EMC3: variants seen among roughly 807,000 people sequenced by gnomAD.
The protein encoded by EMC3 is ER membrane protein complex subunit 3, also known as 30 kDa protein.
In EMC3, 13 loss-of-function variants were observed where a neutral mutation model predicts 36.6. That is an observed-to-expected ratio of 0.35 (90% CI 0.23 to 0.56). EMC3 has a LOEUF of 0.56. Ranked by LOEUF, EMC3 falls within the 20% of genes least tolerant of loss-of-function variation. The pLI, the probability that EMC3 is intolerant of heterozygous loss-of-function variation, is 0.84. For synonymous variants in EMC3, 120 were observed against 111.9 expected (o/e 1.07, Z -0.46); for missense variants, 220 against 324.5 (o/e 0.68, Z 2.47).
At chr3:9,967,660 A>T (rs546899987) in intron 7 of EMC3, among the ~76,000 whole-genome samples, 1 of 152,296 alleles carries the variant, frequency 6.6e-6, no homozygotes, top group East Asian at 1.9e-4. Context: ...AAGTTATTCA[A>T]TTTTGCCAAC....
intron 1 of EMC3, among the ~76,000 whole-genome samples, chr3:9,980,158 C>G (rs1012625913): frequency 1.3e-5 from 2 of 151,806 alleles, no homozygotes; most frequent in Admixed American, 6.6e-5. Flanking sequence ...GGGTTACAGG[C>G]GCGCACCACC....
chr3:10,000,645 CATT>C (rs1373671296), intron 1 of EMC3: 3 of 475,320 alleles, frequency 6.3e-6, no homozygotes, highest in Non-Finnish European at 1.3e-5. Flanking sequence ...AATTATTACT[CATT>C]AGTAGCTTTT....
At chr3:9,976,271 AATTTTTGT>A (rs2085849404) in intron 3 of EMC3, among the ~76,000 whole-genome samples, 1 of 152,002 alleles carries the variant, frequency 6.6e-6, no homozygotes, top group African/African-American at 2.4e-5. Context: ...ACGCTAGGCT[AATTTTTGT>A]ATTTTTAGTA....
intron 3 of EMC3, among the ~76,000 whole-genome samples, chr3:9,975,956 A>C (rs2085845098): frequency 6.6e-6 from 1 of 152,102 alleles, no homozygotes; most frequent in Admixed American, 6.5e-5. Flanking sequence ...AATTAACTCC[A>C]TACAACCTTA....
At chr3:9,977,549 T>A in intron 1 of EMC3, 103 bp from the exon 2 acceptor site, 1 of 972,592 alleles carries the variant, frequency 1.0e-6, no homozygotes, top group Non-Finnish European at 1.5e-6. Flanking sequence ...GAGGGCCTAT[T>A]TGGCAACAGC....
At chr3:9,992,493 C>G (rs1380676200) in intron 1 of EMC3, among the ~76,000 whole-genome samples, 4 of 152,068 alleles carry the variant, frequency 2.6e-5, no homozygotes, top group African/African-American at 9.7e-5. Context: ...TTTACTGAAC[C>G]CTTTCCAGAT....
In EMC3 at chr3:9,973,681, A is replaced by G. The variant is rs1319766040; in HGVS notation, c.441T>C (p.Arg147=). The G allele has an allele frequency of 6.2e-7, 1 of 1,614,162 alleles. No homozygotes were observed. The highest frequency in any genetic ancestry group is 1.7e-5 in the Admixed American group (1 of 60,006). ...TTCCTTGCTGTAACATAGGCTTAAA[A>G]CGGAGGGTCAGTGGAAATGGGACCT... ...TTKVPFPLTL[R]FKPMLQQGIE... is the part of the protein sequence containing the mutation. Residue 147 remains arginine (R), a synonymous_variant, in exon 5 of 8, where the codon CGT becomes CGC. Transcript: ENST00000245046.
At chr3:10,000,576 G>A in intron 1 of EMC3, 1 of 346,614 alleles carries the variant, frequency 2.9e-6, no homozygotes, top group Admixed American at 3.2e-5. Context: ...ATCTATTAAA[G>A]TATGGTACAC....
intron 1 of EMC3, chr3:10,008,498 G>C (rs1407661418): frequency 7.3e-7 from 1 of 1,366,176 alleles, no homozygotes. Flanking sequence ...CTGGGGGGCT[G>C]ACAGCCATGG....
intron 1 of EMC3, among the ~76,000 whole-genome samples, chr3:10,009,445 C>G (rs1030634548): frequency 6.6e-6 from 1 of 152,226 alleles, no homozygotes; most frequent in African/African-American, 2.4e-5. Context: ...CAAACCAACA[C>G]CTAGTCTAGA....
intron 1 of EMC3, among the ~76,000 whole-genome samples, chr3:10,006,060 G>A (rs891633069): frequency 4.6e-5 from 7 of 152,166 alleles, no homozygotes; most frequent in South Asian, 2.1e-4. Flanking sequence ...AAGCCAGATC[G>A]GGGAAGCCAG....
rs936005402 is a variant in EMC3 at position 9,986,820 on chromosome 3, T to A, written c.-159A>T. The A allele has an allele frequency of 7.1e-7, 1 of 1,412,914 alleles. No individual in the cohort carries two copies. The highest frequency in any genetic ancestry group is 9.2e-7 in the Non-Finnish European group (1 of 1,081,232). 87.5% of individuals were successfully genotyped at this position (1,412,914 alleles called of 1,614,324 possible). ...GTGAGCCGAGCTTACTGCCTTCAGC[T>A]GGGCTGCCTGGTCTTCCACTTCCGG... is the stretch of plus-strand genomic sequence containing the variant. On this transcript the variant is annotated 5_prime_UTR_variant, in exon 1 of 8. Coordinates refer to ENST00000245046, the MANE Select transcript of EMC3 (RefSeq NM_001394674.1).
At position 9,986,772 on chromosome 3, in the gene EMC3, T is replaced by A; in HGVS notation, c.-111A>T. ...GCCTTCTCAAGCCCCTTTGCCCGTGTACCCCAGAACTCTCCTGCGACTGTG... is the reference window on the plus strand; with the variant it reads ...GCCTTCTCAAGCCCCTTTGCCCGTGAACCCCAGAACTCTCCTGCGACTGTG... On this transcript the variant is annotated 5_prime_UTR_variant, in exon 1 of 8. Transcript: ENST00000245046. The A allele has an allele frequency of 3.9e-6, 6 of 1,531,604 alleles. No homozygotes were observed. The highest frequency in any genetic ancestry group is 5.3e-6 in the Non-Finnish European group (6 of 1,140,660). 94.9% of individuals were successfully genotyped at this position (1,531,604 alleles called of 1,614,324 possible).
intron 1 of EMC3, among the ~76,000 whole-genome samples, chr3:9,994,492 G>A (rs1436807266): frequency 1.3e-5 from 2 of 152,146 alleles, no homozygotes; most frequent in East Asian, 1.9e-4. Flanking sequence ...TTTGACTGGT[G>A]GATCTAACTC....
In EMC3 at chr3:9,986,664, T is replaced by G. The variant is rs1472731245; in HGVS notation, c.-3A>C. The G allele has an allele frequency of 5.0e-6, 8 of 1,613,706 alleles. No individual in the cohort carries two copies. Among genetic ancestry groups the G allele is most frequent in the Non-Finnish European group, 5.9e-6 (7 of 1,179,768 alleles). On this transcript the variant is annotated 5_prime_UTR_variant, in exon 1 of 8. Coordinates refer to ENST00000245046, the MANE Select transcript of EMC3 (RefSeq NM_001394674.1). ...AGCAACAGTTCTGGCCCTGCCATCT[T>G]CACTGAAAGCTGGTTCCCAGTCTGG...
chr3:9,990,028 C>CT (rs565914393), upstream of EMC3, among the ~76,000 whole-genome samples: 95 of 132,058 alleles, frequency 7.2e-4, no homozygotes, highest in Middle Eastern at 7.7e-3. Context: ...AGTGTTTTCT[C>CT]TTTTTTTTTT....
chr3:9,989,733 A>G (rs577482943), upstream of EMC3, among the ~76,000 whole-genome samples: 9 of 152,278 alleles, frequency 5.9e-5, no homozygotes, highest in South Asian at 1.9e-3. Flanking sequence ...GACTGCCTGC[A>G]TACCTATTTT....
chr3:9,970,707 G>C (rs2085776444), intron 5 of EMC3, 46 bp from the exon 6 acceptor site: 1 of 1,592,748 alleles, frequency 6.3e-7, no homozygotes, highest in South Asian at 1.1e-5. Context: ...TTATATCAGA[G>C]AGTAATGCAG....
intron 3 of EMC3, among the ~76,000 whole-genome samples, chr3:9,975,845 GT>G (rs1559351469): frequency 6.8e-6 from 1 of 146,920 alleles, no homozygotes; most frequent in Non-Finnish European, 1.5e-5. Context: ...AAGATATCTT[GT>G]TTTAATTGAT....
Sources: gnomAD v4.1 joint callset for allele counts (sites outside exome capture counted in the v4.1 genomes callset) on GRCh38, gnomAD v4.1.1 for gene constraint, MANE v1.5 for transcripts, NCBI Gene and HGNC (gene_info 2026-07-23, HGNC 2026-07-21) for gene names.